Variants in FSTL5 observed in about 807,000 individuals in gnomAD.
FSTL5 encodes follistatin like 5.
In FSTL5, 62 loss-of-function variants were observed where a neutral mutation model predicts 89.1. The ratio of observed to expected loss-of-function variants is 0.70; its 90% CI spans 0.57 to 0.86. The LOEUF (loss-of-function observed/expected upper bound fraction) is 0.86, where lower values mean the gene tolerates loss of function less well. FSTL5 is among the 40% of genes least tolerant of loss of function. The pLI, the probability that FSTL5 is intolerant of heterozygous loss-of-function variation, is 0.00. For synonymous variants in FSTL5, 383 were observed against 346.2 expected, an observed-to-expected ratio of 1.11 and a Z score of -1.18; for missense variants, 1,057 against 1,001.6, an observed-to-expected ratio of 1.06 and a Z score of -0.75.
rs56229701 is a variant in FSTL5 at position 161,437,565 on chromosome 4, C to CAAAAAAAAAAAAAAAAAAAA, written c.1841+17438_1841+17439insTTTTTTTTTTTTTTTTTTTT. Among the ~76,000 whole-genome samples the CAAAAAAAAAAAAAAAAAAAA allele has an allele frequency of 3.1e-3, 214 of 68,494 alleles. 29 individuals are homozygous for CAAAAAAAAAAAAAAAAAAAA. The highest frequency in any genetic ancestry group is 0.011 in the African/African-American group (137 of 12,022). The allele number at this position is 68,494 out of a possible 152,430, so 44.9% of individuals were successfully genotyped here. ...CTGGTGACAGAGTGAGACTCCGTCTCAAAAAAAAAAAAAAAAACGAGGTCA... is the reference window on the plus strand; with the variant it reads ...CTGGTGACAGAGTGAGACTCCGTCTCAAAAAAAAAAAAAAAAAAAAAAAAAAAAAAAAAAAAACGAGGTCA... On this transcript the variant is annotated intron_variant, in intron 15 of 15. Coordinates refer to ENST00000306100, the MANE Select transcript of FSTL5 (RefSeq NM_020116.5).
intron 4 of FSTL5, among the ~76,000 whole-genome samples, chr4:161,853,912 T>A (rs1266961688): frequency 6.6e-6 from 1 of 152,206 alleles, no homozygotes; most frequent in Non-Finnish European, 1.5e-5. Context: ...ATATGGCTTT[T>A]AGACTCACTT....
At chr4:161,398,145 T>C (rs1013472690) in intron 15 of FSTL5, among the ~76,000 whole-genome samples, 47 of 152,078 alleles carry the variant, frequency 3.1e-4, no homozygotes, top group African/African-American at 1.1e-3. Flanking sequence ...AAAGCAATAA[T>C]GTCCCTCAGT....
chr4:161,798,874 T>C (rs1301409862), intron 4 of FSTL5, among the ~76,000 whole-genome samples: 5 of 151,644 alleles, frequency 3.3e-5, no homozygotes, highest in Non-Finnish European at 7.4e-5. Flanking sequence ...ATTTCTAAAC[T>C]GAGTGAAATG....
intron 3 of FSTL5, among the ~76,000 whole-genome samples, chr4:161,997,601 CTTTTTTTTT>C (rs60978465): frequency 1.5e-5 from 2 of 129,306 alleles, no homozygotes; most frequent in Non-Finnish European, 3.2e-5. Context: ...TACATGTTAT[CTTTTTTTTT>C]TTTTTTTTTT....
chr4:162,093,678 A>C (rs905266505), intron 2 of FSTL5, among the ~76,000 whole-genome samples: 1 of 152,148 alleles, frequency 6.6e-6, no homozygotes, highest in Admixed American at 6.5e-5. Context: ...ACTGGTAATC[A>C]CTATGTTTCC....
In FSTL5 at chr4:161,729,726, C is replaced by T. The variant is rs563423521; in HGVS notation, c.727+29685G>A. 8.5e-4 allele frequency among the ~76,000 whole-genome samples: 129 copies of T among 151,696 alleles called. 1 individual carries two copies. The highest frequency in any genetic ancestry group is 3.0e-3 in the African/African-American group (124 of 41,484). ...CAAAATCTGACCCTTCTGTGTACAA[C>T]TATTCATTGACTTCCACAGGTGTTT... is the stretch of plus-strand genomic sequence containing the variant. On this transcript the variant is annotated intron_variant, in intron 6 of 15. Coordinates refer to ENST00000306100, the MANE Select transcript of FSTL5 (RefSeq NM_020116.5).
At chr4:161,496,608 G>A (rs918271262) in intron 12 of FSTL5, among the ~76,000 whole-genome samples, 2 of 152,024 alleles carry the variant, frequency 1.3e-5, no homozygotes, top group African/African-American at 2.4e-5. Flanking sequence ...TCCTGTGTAG[G>A]TTTCCAGACT....
At chr4:161,826,256 A>C (rs1188312305) in intron 4 of FSTL5, among the ~76,000 whole-genome samples, 1 of 152,012 alleles carries the variant, frequency 6.6e-6, no homozygotes, top group Non-Finnish European at 1.5e-5. Flanking sequence ...ATATAATTTC[A>C]ATTTTCTTAA....
intron 6 of FSTL5, among the ~76,000 whole-genome samples, chr4:161,678,595 C>T (rs919849748): frequency 6.6e-6 from 1 of 151,842 alleles, no homozygotes; most frequent in African/African-American, 2.4e-5. Context: ...GCATTTATCA[C>T]AGCTGCAGAT....
chr4:161,596,498 ATTAAAC>A (rs1399618745), intron 7 of FSTL5, among the ~76,000 whole-genome samples: 1 of 151,958 alleles, frequency 6.6e-6, no homozygotes, highest in Non-Finnish European at 1.5e-5. Flanking sequence ...ATTATATTTT[ATTAAAC>A]TTAAGAAAAT....
At chr4:161,942,096 T>A (rs1734604932) in intron 3 of FSTL5, among the ~76,000 whole-genome samples, 1 of 151,164 alleles carries the variant, frequency 6.6e-6, no homozygotes, top group African/African-American at 2.4e-5. Context: ...ACAAAGAAAA[T>A]GAAAGCATAA....
intron 4 of FSTL5, among the ~76,000 whole-genome samples, chr4:161,882,876 A>G (rs1171371617): frequency 6.6e-6 from 1 of 152,124 alleles, no homozygotes; most frequent in Non-Finnish European, 1.5e-5. Context: ...CTGGTGATGC[A>G]TGTAGGAAGA....
At chr4:161,528,439 G>C (rs2126526720) in intron 10 of FSTL5, among the ~76,000 whole-genome samples, 1 of 143,522 alleles carries the variant, frequency 7.0e-6, no homozygotes, top group South Asian at 2.4e-4. Flanking sequence ...TACTCTATCT[G>C]ACTTATTCAG....
At chr4:161,946,994 G>A (rs1018198312) in intron 3 of FSTL5, among the ~76,000 whole-genome samples, 2 of 152,022 alleles carry the variant, frequency 1.3e-5, no homozygotes, top group Non-Finnish European at 2.9e-5. Context: ...TACCTTTAAT[G>A]TAATGATTGA....
chr4:161,403,813 A>C (rs950946688), intron 15 of FSTL5, among the ~76,000 whole-genome samples: 14 of 152,222 alleles, frequency 9.2e-5, no homozygotes, highest in African/African-American at 3.1e-4. Context: ...TCAAAGGTCT[A>C]TCTGGGCACA....
intron 5 of FSTL5, among the ~76,000 whole-genome samples, chr4:161,766,224 T>G (rs1275589011): frequency 6.6e-6 from 1 of 152,202 alleles, no homozygotes; most frequent in African/African-American, 2.4e-5. Context: ...TTTGCTCACT[T>G]AAATTCTATG....
chr4:161,785,984 C>T (rs1202718616), intron 4 of FSTL5, among the ~76,000 whole-genome samples: 1 of 152,022 alleles, frequency 6.6e-6, no homozygotes, highest in African/African-American at 2.4e-5. Context: ...ACAGTTTATA[C>T]ATCTATATTC....
At chr4:161,923,314 T>A (rs1018214068) in intron 3 of FSTL5, among the ~76,000 whole-genome samples, 1 of 151,580 alleles carries the variant, frequency 6.6e-6, no homozygotes, top group South Asian at 2.1e-4. Context: ...AAAAAATTAA[T>A]GTACTGAAAG....
At chr4:161,643,546 T>A (rs1366221417) in intron 7 of FSTL5, among the ~76,000 whole-genome samples, 1 of 152,180 alleles carries the variant, frequency 6.6e-6, no homozygotes, top group East Asian at 1.9e-4. Context: ...GTATCTTTAG[T>A]ATTTAGCTGA....
Sources: allele counts gnomAD v4.1 joint callset (sites outside exome capture counted in the v4.1 genomes callset), GRCh38; gene constraint gnomAD v4.1.1; transcripts MANE v1.5; gene names NCBI Gene and HGNC (gene_info 2026-07-23, HGNC 2026-07-21).